RHCG: variants seen among roughly 807,000 people sequenced by gnomAD.
RHCG encodes the protein ammonium transporter Rh type C.
In RHCG, 39 loss-of-function variants were observed where a neutral mutation model predicts 55.3. The ratio of observed to expected loss-of-function variants is 0.70; its 90% CI spans 0.55 to 0.92. The LOEUF is 0.92. Among genes scored for constraint, RHCG ranks in the 40% least tolerant of loss-of-function variants. The pLI, the probability that RHCG is intolerant of heterozygous loss-of-function variation, is 0.00. For missense variants in RHCG, 635 were observed against 627.9 expected (o/e 1.01, Z -0.12); for synonymous variants, 250 against 246.8 (o/e 1.01, Z -0.12).
chr15:89,493,783 C>G (rs113699138), intron 1 of RHCG, among the ~76,000 whole-genome samples: 1,905 of 152,224 alleles, frequency 0.013, 48 homozygotes, highest in African/African-American at 0.044. Context: ...CAGGGCTGCT[C>G]CTCTCGCTCC....
chr15:89,472,679 C>T (rs1180141136), intron 10 of RHCG, 32 bp downstream of exon 10: 9 of 1,584,780 alleles, frequency 5.7e-6, no homozygotes, highest in Non-Finnish European at 7.7e-6. Flanking sequence ...GGAGAACCTC[C>T]CTGTCATCCC....
rs1961248694 is a variant in RHCG at position 89,480,535 on chromosome 15, G to T, written c.523-127C>A. On this transcript the variant is annotated intron_variant, in intron 3 of 10. Transcript: ENST00000268122. ...TCTCGGACTCTTCAGGGTGCAGGAT[G>T]GAGCCTGGGGCCTTCACGGACCAAT... 3.6e-6 allele frequency: 4 copies of T among 1,119,706 alleles called. No homozygotes were observed. In the South Asian group the frequency reaches 6.1e-5, roughly 17 times the overall value. The allele number at this position is 1,119,706 out of a possible 1,614,324, so 69.4% of individuals were successfully genotyped here. A position where few individuals can be genotyped will look rare whatever the true frequency, so the allele number is the denominator to read the frequency against.
rs1301740509 is a variant in RHCG at position 89,487,575 on chromosome 15, C to G, written c.185-590G>C. ...ACATCAGTTATAGCTGATCACATCC[C>G]CATATCCCACCACTGACTCCAGCAG... On this transcript the variant is annotated intron_variant, in intron 1 of 10. Transcript: ENST00000268122. 2.6e-5 allele frequency among the ~76,000 whole-genome samples: 4 copies of G among 152,182 alleles called. No homozygotes were observed. In the South Asian group the frequency reaches 8.3e-4, roughly 32 times the overall value.
At chr15:89,487,672 G>A (rs907705461) in intron 1 of RHCG, among the ~76,000 whole-genome samples, 6 of 152,166 alleles carry the variant, frequency 3.9e-5, no homozygotes, top group Admixed American at 2.6e-4. Context: ...GATGACTCTG[G>A]GAAAGTTAAG....
In RHCG at chr15:89,477,657, G is replaced by C. The variant is rs192517821; in HGVS notation, c.976-4C>G. On this transcript the variant is annotated splice_polypyrimidine_tract_variant and splice_region_variant and intron_variant, in intron 6 of 10. Transcript: ENST00000268122. This position sits in a 1 kb window ranked among gnomAD's most constrained non-coding sequence, Gnocchi z 4.5. ...GCAGCCGGGACTCCAGGAATGGCTG[G>C]AGACGGGAGGTGGGTGCTGCTCAGG... 3 of 1,613,966 alleles carry C rather than the reference G, an allele frequency of 1.9e-6. No homozygotes were observed. The Admixed American group carries it at 5.0e-5, about 27-fold the overall frequency.
At chr15:89,482,738 A>G (rs1381562867) in intron 3 of RHCG, among the ~76,000 whole-genome samples, 1 of 152,328 alleles carries the variant, frequency 6.6e-6, no homozygotes, top group Non-Finnish European at 1.5e-5. Flanking sequence ...TTCTTGGCAG[A>G]GGAATCTGGA....
At chr15:89,495,651 A>G (rs952847463) in intron 1 of RHCG, among the ~76,000 whole-genome samples, 1 of 151,916 alleles carries the variant, frequency 6.6e-6, no homozygotes, top group Non-Finnish European at 1.5e-5. Context: ...TCCCACCCCA[A>G]CTCTGCCAGA....
intron 4 of RHCG, among the ~76,000 whole-genome samples, chr15:89,479,938 C>T (rs891796153): frequency 2.0e-5 from 3 of 152,214 alleles, no homozygotes; most frequent in Non-Finnish European, 4.4e-5. Flanking sequence ...TGCCCTAGCC[C>T]AGGGGATGGA....
At chr15:89,489,634 G>A (rs1961437724) in intron 1 of RHCG, among the ~76,000 whole-genome samples, 1 of 152,080 alleles carries the variant, frequency 6.6e-6, no homozygotes, top group Non-Finnish European at 1.5e-5. Flanking sequence ...CTCCCCCGGT[G>A]CTCCAGCTGC....
At chr15:89,483,300 T>C (rs1420313985) in intron 2 of RHCG, 83 bp from the exon 3 acceptor site, 1 of 1,324,534 alleles carries the variant, frequency 7.5e-7, no homozygotes, top group African/African-American at 1.5e-5. Flanking sequence ...CATATATGGA[T>C]TTGGGCTTGT....
intron 1 of RHCG, among the ~76,000 whole-genome samples, chr15:89,493,508 C>G (rs1473006345): frequency 6.6e-6 from 1 of 152,224 alleles, no homozygotes; most frequent in Non-Finnish European, 1.5e-5. Flanking sequence ...GCCCAGCAGG[C>G]TTCACTCATC....
Position 89,483,136 on chromosome 15 carries a change from C to T in RHCG, c.453G>A (p.Leu151=). The T allele has an allele frequency of 1.9e-6, 3 of 1,608,414 alleles. No individual in the cohort carries two copies. Among genetic ancestry groups the T allele is most frequent in the Non-Finnish European group, 1.7e-6 (2 of 1,175,294 alleles). The part of the protein sequence containing the change: ...AVLGKVSPIQ[L]LIMTFFQVTL... Reference sequence around the variant, plus strand: ...TCACTTGGAAGAAAGTCATGATGAGCAGCTGAATGGGGCTGACTTTACCCA... The same window carrying T: ...TCACTTGGAAGAAAGTCATGATGAGTAGCTGAATGGGGCTGACTTTACCCA... The change falls in exon 3 of 11, where the codon CTG becomes CTA. Residue 151 remains leucine (L), a synonymous_variant. Transcript: ENST00000268122.
In RHCG at chr15:89,477,949, G is replaced by A; in HGVS notation, c.863C>T (p.Ala288Val). 1 of 1,610,258 alleles carries A rather than the reference G, an allele frequency of 6.2e-7. No individual in the cohort carries two copies. Among genetic ancestry groups the A allele is most frequent in the Non-Finnish European group, 8.5e-7 (1 of 1,177,346 alleles). Residue 288 changes from alanine to valine, a missense_variant, in exon 6 of 11, where the codon GCA (alanine) becomes GTA (valine). Coordinates refer to ENST00000268122, the MANE Select transcript of RHCG (RefSeq NM_016321.3). The surrounding 1 kb of genome is among the most constrained non-coding windows in gnomAD (Gnocchi z 4.5). Reference protein sequence around the residue: ...DMVHIQNATLAGGVAVGTAAE... With the variant: ...DMVHIQNATLVGGVAVGTAAE... The stretch of plus-strand genomic sequence containing the variant: ...AGCGGTACCCACGGCCACCCCTCCT[G>A]CGAGCGTGGCATTCTGGATGTGCAC...
chr15:89,472,166 T>A (rs956378361), intron 10 of RHCG, among the ~76,000 whole-genome samples: 1 of 152,194 alleles, frequency 6.6e-6, no homozygotes, highest in African/African-American at 2.4e-5. Flanking sequence ...GAGCCTTAGT[T>A]TGCTCATCTA....
At chr15:89,478,342 G>C (rs1365787778) in intron 5 of RHCG, among the ~76,000 whole-genome samples, 3 of 152,192 alleles carry the variant, frequency 2.0e-5, no homozygotes, top group Non-Finnish European at 4.4e-5. Context: ...GCAAGTCCAC[G>C]TCAAGTGCCT....
chr15:89,492,557 A>G lies in RHCG; in HGVS notation c.184+3804T>C, dbSNP rs141988176. Among the ~76,000 whole-genome samples, 4 of 152,292 alleles carry G rather than the reference A, an allele frequency of 2.6e-5. No individual in the cohort carries two copies. The East Asian group carries it at 5.8e-4, about 22-fold the overall frequency. The stretch of plus-strand genomic sequence containing the variant: ...GAGATGGTCAGGGGGCAGCAATGCC[A>G]CAGAAGACCCTGGAAAGCAGGTAGG... On this transcript the variant is annotated intron_variant, in intron 1 of 10. Transcript: ENST00000268122.
chr15:89,486,067 G>C (rs1376922971), intron 2 of RHCG, among the ~76,000 whole-genome samples: 4 of 152,160 alleles, frequency 2.6e-5, no homozygotes, highest in Non-Finnish European at 5.9e-5. Context: ...GGGGCTGGTG[G>C]TGCTCATCAG....
rs1961156618 is a variant in RHCG at position 89,476,755 on chromosome 15, C to T, written c.1311G>A (p.Glu437=). 1.1e-5 allele frequency: 17 copies of T among 1,613,734 alleles called. No homozygotes were observed. Among genetic ancestry groups the T allele is most frequent in the Non-Finnish European group, 1.4e-5 (17 of 1,179,648 alleles). ...AGGGGGCCAAGTCCCTGGAACTCAC[C>T]TCCCAGTAGACCGCATCCTCAAAGC... is the stretch of plus-strand genomic sequence containing the variant. ...ENCFEDAVYW[E]MPEGNSTVYI... is the part of the protein sequence containing the mutation. Residue 437 remains glutamate, a splice_region_variant and synonymous_variant, in exon 9 of 11, where the codon GAG becomes GAA. Coordinates refer to ENST00000268122, the MANE Select transcript of RHCG (RefSeq NM_016321.3).
chr15:89,483,355 G>A, intron 2 of RHCG, 138 bp from the exon 3 acceptor site: 1 of 708,928 alleles, frequency 1.4e-6, no homozygotes, highest in Non-Finnish European at 2.2e-6. Context: ...ACACTAATGG[G>A]CACCTAACAT....
Sources: allele counts gnomAD v4.1 joint callset (sites outside exome capture counted in the v4.1 genomes callset), GRCh38; gene constraint gnomAD v4.1.1; non-coding constraint Gnocchi (gnomAD v3.1); transcripts MANE v1.5; gene names NCBI Gene and HGNC (gene_info 2026-07-23, HGNC 2026-07-21).